The following CSMD1 variants were observed in gnomAD, a reference collection of about 807,000 sequenced individuals.
CSMD1 encodes CUB and sushi domain-containing protein 1.
A neutral mutation model predicts 417.5 loss-of-function variants in CSMD1; 213 were observed. The ratio of observed to expected loss-of-function variants is 0.51; its 90% CI spans 0.46 to 0.57. The LOEUF (loss-of-function observed/expected upper bound fraction) is 0.57. CSMD1 is among the 20% of genes least tolerant of loss of function. The pLI, the probability that CSMD1 is intolerant of heterozygous loss-of-function variation, is 0.00. For synonymous variants in CSMD1, 2,862 were observed against 1,736.8 expected, an observed-to-expected ratio of 1.65 and a Z score of -16.11; for missense variants, 6,923 against 4,529.7, an observed-to-expected ratio of 1.53 and a Z score of -15.17.
At chr8:3,745,155 A>C (rs530902071) in intron 6 of CSMD1, among the ~76,000 whole-genome samples, 2 of 152,362 alleles carry the variant, frequency 1.3e-5, no homozygotes, top group Non-Finnish European at 2.9e-5. Context: ...AAATTTCAAA[A>C]TATCTATGAA....
At chr8:3,388,118 C>T (rs188012278) in intron 17 of CSMD1, among the ~76,000 whole-genome samples, 122 of 152,210 alleles carry the variant, frequency 8.0e-4, no homozygotes, top group Non-Finnish European at 1.4e-3. Flanking sequence ...GTTTAACTTT[C>T]AAATAAATGC....
At chr8:4,084,767 G>T (rs930142506) in intron 3 of CSMD1, among the ~76,000 whole-genome samples, 4 of 150,288 alleles carry the variant, frequency 2.7e-5, no homozygotes, top group African/African-American at 9.8e-5. Flanking sequence ...AAAGCATGTG[G>T]CTTTTATGTA....
chr8:4,049,558 G>A (rs969888953), intron 3 of CSMD1, among the ~76,000 whole-genome samples: 1 of 151,802 alleles, frequency 6.6e-6, no homozygotes, highest in Non-Finnish European at 1.5e-5. Context: ...CTGACTTCTA[G>A]ATTTTTATAC....
chr8:3,307,941 C>G, intron 24 of CSMD1, 120 bp from the exon 25 acceptor site: 1 of 1,095,376 alleles, frequency 9.1e-7, no homozygotes, highest in Non-Finnish European at 1.3e-6. Flanking sequence ...AAAGAATCAC[C>G]ATCATCTCTC....
At chr8:4,140,505 C>G (rs865792247) in intron 3 of CSMD1, among the ~76,000 whole-genome samples, 1 of 150,264 alleles carries the variant, frequency 6.7e-6, no homozygotes, top group Non-Finnish European at 1.5e-5. Flanking sequence ...AACAAACAAA[C>G]AAACAAACAA....
At chr8:4,185,293 T>G (rs1458405644) in intron 3 of CSMD1, among the ~76,000 whole-genome samples, 1 of 152,170 alleles carries the variant, frequency 6.6e-6, no homozygotes, top group Non-Finnish European at 1.5e-5. Context: ...AATTGTTTAA[T>G]CTTTTTGTTT....
At chr8:3,877,995 A>G (rs1223038298) in intron 5 of CSMD1, among the ~76,000 whole-genome samples, 1 of 152,096 alleles carries the variant, frequency 6.6e-6, no homozygotes, top group Non-Finnish European at 1.5e-5. Flanking sequence ...AACTGAATGT[A>G]AATGATAAAA....
chr8:4,265,861 C>A lies in CSMD1; in HGVS notation c.415+154092G>T, dbSNP rs113683399. ...TAAAAGCCAGCTATTTCTATAGGTCCATGGTGTCCCCACAGATAAAGATTC... is the reference window on the plus strand; with the variant it reads ...TAAAAGCCAGCTATTTCTATAGGTCAATGGTGTCCCCACAGATAAAGATTC... On this transcript the variant is annotated intron_variant, in intron 3 of 69. Transcript: ENST00000635120. 1.4e-3 allele frequency among the ~76,000 whole-genome samples: 144 copies of A among 104,704 alleles called. 24 individuals carry two copies. The highest frequency in any genetic ancestry group is 3.6e-3 in the African/African-American group (139 of 38,380). The allele number at this position is 104,704 out of a possible 152,430, so 68.7% of individuals were successfully genotyped here.
intron 1 of CSMD1, among the ~76,000 whole-genome samples, chr8:4,965,114 T>C (rs1242808240): frequency 6.6e-6 from 1 of 152,194 alleles, no homozygotes; most frequent in East Asian, 1.9e-4. Flanking sequence ...AATGTGAATA[T>C]GCACATCTGT....
In CSMD1 at chr8:4,214,865, C is replaced by T. The variant is rs142327421; in HGVS notation, c.416-182766G>A. ...AACTATGACCACCAGGTTTAGATAG[C>T]GTTTTTTTAAAAAAATGTATATTCT... is the stretch of plus-strand genomic sequence containing the variant. On this transcript the variant is annotated intron_variant, in intron 3 of 69. Coordinates refer to ENST00000635120, the MANE Select transcript of CSMD1 (RefSeq NM_033225.6). Among the ~76,000 whole-genome samples, 915 of 151,522 alleles carry T rather than the reference C, an allele frequency of 6.0e-3. 10 individuals are homozygous for T. Among genetic ancestry groups the T allele is most frequent in the African/African-American group, 0.02 (843 of 41,470 alleles).
intron 10 of CSMD1, among the ~76,000 whole-genome samples, chr8:3,570,608 G>C (rs1585387279): frequency 1.3e-5 from 2 of 152,142 alleles, no homozygotes; most frequent in African/African-American, 2.4e-5. Context: ...TGCTATCACG[G>C]AGCTACTGAA....
At chr8:4,962,048 G>A (rs781757566) in intron 1 of CSMD1, among the ~76,000 whole-genome samples, 5 of 150,738 alleles carry the variant, frequency 3.3e-5, no homozygotes, top group African/African-American at 9.7e-5. Context: ...AGGTTTTTTT[G>A]ATTTACTCCA....
chr8:4,554,321 G>C (rs1797998515), intron 2 of CSMD1, among the ~76,000 whole-genome samples: 3 of 151,992 alleles, frequency 2.0e-5, no homozygotes, highest in South Asian at 4.2e-4. Context: ...ATTTTCAGTA[G>C]AGACAGGGTT....
At chr8:3,712,375 G>GGAGAGAGA (rs746268570) in intron 6 of CSMD1, among the ~76,000 whole-genome samples, 23 of 112,356 alleles carry the variant, frequency 2.0e-4, no homozygotes, top group Non-Finnish European at 3.6e-4. Flanking sequence ...CAAAGAAACA[G>GGAGAGAGA]GAGAGAGAGA....
chr8:4,360,071 G>A (rs1439192541), intron 3 of CSMD1, among the ~76,000 whole-genome samples: 1 of 152,154 alleles, frequency 6.6e-6, no homozygotes, highest in Non-Finnish European at 1.5e-5. Flanking sequence ...CTGACCGCCT[G>A]GGATCTCGGA....
chr8:3,458,507 T>C (rs1292697544), intron 12 of CSMD1, among the ~76,000 whole-genome samples: 1 of 152,214 alleles, frequency 6.6e-6, no homozygotes, highest in African/African-American at 2.4e-5. Flanking sequence ...AAAAGGGTGA[T>C]GACTGGAAAC....
At chr8:3,688,127 T>G (rs1193475930) in intron 7 of CSMD1, among the ~76,000 whole-genome samples, 1 of 152,222 alleles carries the variant, frequency 6.6e-6, no homozygotes, top group Non-Finnish European at 1.5e-5. Context: ...TGCTTCGAAG[T>G]AATTGCAATA....
At chr8:3,881,492 C>T (rs1042147892) in intron 5 of CSMD1, among the ~76,000 whole-genome samples, 1 of 150,954 alleles carries the variant, frequency 6.6e-6, no homozygotes, top group South Asian at 2.1e-4. Flanking sequence ...AAAAAATTAG[C>T]TGGGCGTAGT....
chr8:4,331,452 G>T (rs746891138), intron 3 of CSMD1, among the ~76,000 whole-genome samples: 1 of 152,138 alleles, frequency 6.6e-6, no homozygotes, highest in Non-Finnish European at 1.5e-5. Flanking sequence ...TTCTGGTAAC[G>T]AGAGCCTTGC....
Sources: allele counts gnomAD v4.1 joint callset (sites outside exome capture counted in the v4.1 genomes callset), GRCh38; gene constraint gnomAD v4.1.1; transcripts MANE v1.5; gene names NCBI Gene and HGNC (gene_info 2026-07-23, HGNC 2026-07-21).